The following MCTP1 variants were observed in gnomAD, a reference collection of about 807,000 sequenced individuals.
MCTP1 encodes the protein multiple C2 and transmembrane domain containing 1, also known as multiple C2 and transmembrane domain-containing protein 1.
In MCTP1, 69 loss-of-function variants were observed where a neutral mutation model predicts 120.6. That is an observed-to-expected ratio of 0.57 (90% CI 0.47 to 0.70). MCTP1 has a LOEUF of 0.70. MCTP1 is among the 30% of genes least tolerant of loss of function. The pLI is 0.00. For missense variants in MCTP1, 1,203 were observed against 1,248.8 expected (o/e 0.96, Z 0.55); for synonymous variants, 529 against 493.1 (o/e 1.07, Z -0.96).
At chr5:94,840,657 C>A (rs1054362703) in intron 17 of MCTP1, among the ~76,000 whole-genome samples, 1 of 152,126 alleles carries the variant, frequency 6.6e-6, no homozygotes, top group Non-Finnish European at 1.5e-5. Flanking sequence ...CAGGGCTTAC[C>A]ACCTATGTGT....
chr5:95,193,539 G>A (rs1419241406), intron 1 of MCTP1, among the ~76,000 whole-genome samples: 4 of 152,116 alleles, frequency 2.6e-5, no homozygotes, highest in Non-Finnish European at 4.4e-5. Context: ...TTCAGGCTGT[G>A]CAAAGCTAAG....
intron 1 of MCTP1, among the ~76,000 whole-genome samples, chr5:95,226,497 G>C (rs965273008): frequency 6.6e-6 from 1 of 151,956 alleles, no homozygotes; most frequent in Non-Finnish European, 1.5e-5. Flanking sequence ...AGTAAATCTT[G>C]GTAAGTGGCC....
chr5:94,764,249 G>T (rs73133918), intron 19 of MCTP1, among the ~76,000 whole-genome samples: 17,197 of 152,130 alleles, frequency 0.11, 1,266 homozygotes, highest in African/African-American at 0.21. Context: ...AATGCAGTCT[G>T]CCACAGACGC....
intron 4 of MCTP1, among the ~76,000 whole-genome samples, chr5:94,940,850 A>G (rs1043043933): frequency 6.6e-6 from 1 of 151,586 alleles, no homozygotes. Flanking sequence ...TAACATAAAT[A>G]TTTATATGGC....
intron 3 of MCTP1, 79 bp downstream of exon 3, chr5:94,953,136 TCAGA>T (rs1427652507): frequency 4.7e-6 from 6 of 1,270,512 alleles, no homozygotes; most frequent in Non-Finnish European, 5.4e-6. Context: ...AAAACTCTCA[TCAGA>T]CAAAGAAACA....
chr5:94,823,783 G>A (rs1250151198), intron 17 of MCTP1, among the ~76,000 whole-genome samples: 5 of 152,138 alleles, frequency 3.3e-5, no homozygotes, highest in African/African-American at 1.2e-4. Context: ...TGTATTCCTA[G>A]GTATTTGATT....
At chr5:94,866,339 T>A (rs1193663829) in intron 17 of MCTP1, among the ~76,000 whole-genome samples, 3 of 151,892 alleles carry the variant, frequency 2.0e-5, no homozygotes, top group Admixed American at 1.3e-4. Context: ...GCAGGTCTAA[T>A]AAATGACATT....
chr5:95,093,558 C>T (rs1756007247), intron 1 of MCTP1, among the ~76,000 whole-genome samples: 1 of 152,068 alleles, frequency 6.6e-6, no homozygotes, highest in South Asian at 2.1e-4. Context: ...TTAGATGATA[C>T]TATGTTTCAA....
chr5:94,903,184 ACT>A (rs1019611585), intron 10 of MCTP1, among the ~76,000 whole-genome samples: 26 of 151,994 alleles, frequency 1.7e-4, no homozygotes, highest in Admixed American at 4.6e-4. Flanking sequence ...TTTTTTTTAA[ACT>A]CTCTTCAGTT....
At chr5:94,726,803 G>C (rs766305480) in intron 19 of MCTP1, among the ~76,000 whole-genome samples, 1 of 152,080 alleles carries the variant, frequency 6.6e-6, no homozygotes, top group Non-Finnish European at 1.5e-5. Flanking sequence ...GTTGAAATTG[G>C]GCTCCTTTCA....
chr5:94,894,577 C>A, intron 11 of MCTP1, 72 bp downstream of exon 11: 1 of 1,141,968 alleles, frequency 8.8e-7, no homozygotes, highest in Non-Finnish European at 1.2e-6. Flanking sequence ...GTACTTCTGT[C>A]CCTCCAGGTA....
intron 1 of MCTP1, among the ~76,000 whole-genome samples, chr5:95,150,308 C>A (rs900413823): frequency 6.6e-6 from 1 of 152,160 alleles, no homozygotes; most frequent in African/African-American, 2.4e-5. Flanking sequence ...TGCCTTATTT[C>A]TTTCTCTCTT....
chr5:95,171,329 G>A, intron 1 of MCTP1, among the ~76,000 whole-genome samples: 1 of 152,074 alleles, frequency 6.6e-6, no homozygotes, highest in South Asian at 2.1e-4. Context: ...CCTTTCTCTC[G>A]GGCTGCCCTT....
chr5:94,838,478 C>CGAGAAGATGCAACTAAGT (rs1255479257), intron 17 of MCTP1, among the ~76,000 whole-genome samples: 217 of 152,138 alleles, frequency 1.4e-3, no homozygotes, highest in Non-Finnish European at 2.8e-4. Context: ...CTTGGATCTC[C>CGAGAAGATGCAACTAAGT]GAGAAGATGC....
At chr5:94,854,692 G>A (rs375429937) in intron 17 of MCTP1, among the ~76,000 whole-genome samples, 4 of 151,890 alleles carry the variant, frequency 2.6e-5, no homozygotes, top group African/African-American at 9.6e-5. Flanking sequence ...TGTGTGATCC[G>A]GAGGCTCATC....
intron 17 of MCTP1, among the ~76,000 whole-genome samples, chr5:94,832,798 C>T (rs1201561576): frequency 6.6e-6 from 1 of 152,178 alleles, no homozygotes; most frequent in African/African-American, 2.4e-5. Context: ...CATTAAGCTC[C>T]CTTTTCATTG....
Position 94,951,527 on chromosome 5 carries a change from T to C in MCTP1, c.981+1692A>G, listed in dbSNP as rs138918517. Among the ~76,000 whole-genome samples the C allele has an allele frequency of 2.6e-5, 4 of 152,342 alleles. No homozygotes were observed. The East Asian group carries it at 7.7e-4, about 29-fold the overall frequency. ...ACATTAATGAGATCCAAACAGCCTG[T>C]TGCTGTCCTTATTAATACCTGCTTT... On this transcript the variant is annotated intron_variant, in intron 3 of 22. Coordinates refer to ENST00000515393, the MANE Select transcript of MCTP1 (RefSeq NM_024717.7).
chr5:95,100,293 A>T (rs1756632482), intron 1 of MCTP1, among the ~76,000 whole-genome samples: 1 of 152,334 alleles, frequency 6.6e-6, no homozygotes, highest in Non-Finnish European at 1.5e-5. Context: ...AAATTAAAAA[A>T]AAATATTTGC....
At chr5:94,930,603 C>T (rs1814422680) in intron 6 of MCTP1, 1 of 151,902 alleles carries the variant, frequency 6.6e-6, no homozygotes, top group Admixed American at 6.6e-5. Flanking sequence ...TCCTTTTATA[C>T]AATAGAATGG....
Sources: gnomAD v4.1 joint callset for allele counts (sites outside exome capture counted in the v4.1 genomes callset) on GRCh38, gnomAD v4.1.1 for gene constraint, MANE v1.5 for transcripts, NCBI Gene and HGNC (gene_info 2026-07-23, HGNC 2026-07-21) for gene names.